VPS13D: variants seen among roughly 807,000 people sequenced by gnomAD.
VPS13D encodes the protein vacuolar protein sorting 13 homolog D.
VPS13D carries 187 observed loss-of-function variants against 461.9 expected under a neutral mutation model. That is an observed-to-expected ratio of 0.40 (90% CI 0.36 to 0.46). The LOEUF is 0.46. VPS13D is among the 20% of genes least tolerant of loss of function. VPS13D has a pLI of 0.60. For synonymous variants in VPS13D, 1,951 were observed against 1,986.3 expected, an observed-to-expected ratio of 0.98 and a Z score of 0.47; for missense variants, 4,711 against 5,364.9, an observed-to-expected ratio of 0.88 and a Z score of 3.81.
Position 12,277,070 on chromosome 1 carries a change from A to T in VPS13D, c.3482A>T (p.Glu1161Val), listed in dbSNP as rs751209155. ...CAAGGAACTTACCAGTCTACATATGAACAAAACACTGAGGTTGCAGTGGAA... is the reference window on the plus strand; with the variant it reads ...CAAGGAACTTACCAGTCTACATATGTACAAAACACTGAGGTTGCAGTGGAA... ...REQGTYQSTYEQNTEVAVEIH... is the reference protein window; with the variant it reads ...REQGTYQSTYVQNTEVAVEIH... Residue 1161 changes from glutamate to valine, a missense_variant, in exon 19 of 70, where the codon GAA (glutamate) becomes GTA (valine). Glu to Val is a moderately radical substitution (Grantham distance 121). Coordinates refer to ENST00000620676, the MANE Select transcript of VPS13D (RefSeq NM_015378.4). 2 of 1,614,176 alleles carry T rather than the reference A, an allele frequency of 1.2e-6. No homozygotes were observed. Among genetic ancestry groups the T allele is most frequent in the South Asian group, 2.2e-5 (2 of 91,078 alleles).
chr1:12,237,978 A>G (rs1640210742), intron 2 of VPS13D, among the ~76,000 whole-genome samples: 1 of 152,122 alleles, frequency 6.6e-6, no homozygotes. Context: ...CAACATGATG[A>G]AACCCCGTCT....
intron 69 of VPS13D, 128 bp from the exon 70 acceptor site, chr1:12,508,765 T>A: frequency 1.0e-6 from 1 of 990,480 alleles, no homozygotes; most frequent in Non-Finnish European, 1.5e-6. Context: ...GCCCTGGCCA[T>A]CACTGTTTCT....
chr1:12,413,813 G>A (rs998584150), intron 63 of VPS13D, among the ~76,000 whole-genome samples: 4 of 151,098 alleles, frequency 2.6e-5, no homozygotes, highest in African/African-American at 9.8e-5. Flanking sequence ...TATACCAAGT[G>A]TTGATGAGGG....
rs750147071 is a variant in VPS13D, at chr1:12,308,648, G to GTT, written c.6650+21_6650+22dup. The GTT allele has an allele frequency of 2.3e-3, 3,304 of 1,437,204 alleles. 1 individual carries two copies. Among genetic ancestry groups the GTT allele is most frequent in the African/African-American group, 8.3e-3 (570 of 68,462 alleles). 89.0% of individuals were successfully genotyped at this position (1,437,204 alleles called of 1,614,324 possible). On this transcript the variant is annotated splice_region_variant and intron_variant, in intron 27 of 69. Transcript: ENST00000620676. Reference sequence around the variant, plus strand: ...TGGAAAGGAATTTGGACAAGTGAGTGTTTTTTTTTTTTTTTGAGATGGAGT... The same window carrying GTT: ...TGGAAAGGAATTTGGACAAGTGAGTGTTTTTTTTTTTTTTTTTGAGATGGAGT...
chr1:12,484,919 T>C (rs928829862), intron 67 of VPS13D, among the ~76,000 whole-genome samples: 9 of 152,158 alleles, frequency 5.9e-5, no homozygotes, highest in African/African-American at 2.2e-4. Flanking sequence ...TCGTCTCTTA[T>C]GTTCTGCCAA....
At chr1:12,416,870 A>T (rs771421548) in intron 65 of VPS13D, 43 bp downstream of exon 65, 4 of 1,551,104 alleles carry the variant, frequency 2.6e-6, no homozygotes, top group Non-Finnish European at 3.5e-6. Flanking sequence ...TAACCTCACG[A>T]GTCCTCTACA....
intron 9 of VPS13D, 44 bp downstream of exon 9, chr1:12,257,131 G>C (rs142826384): frequency 6.5e-7 from 1 of 1,546,742 alleles, no homozygotes; most frequent in African/African-American, 1.4e-5. Flanking sequence ...GTTAGAGCCT[G>C]TTCTTGCTAT....
At chr1:12,400,023 A>G (rs1231455339) in intron 60 of VPS13D, among the ~76,000 whole-genome samples, 158 bp from the exon 61 acceptor site, 1 of 152,162 alleles carries the variant, frequency 6.6e-6, no homozygotes, top group East Asian at 1.9e-4. Context: ...TTACTTTATT[A>G]TGACTGCCCT....
intron 24 of VPS13D, among the ~76,000 whole-genome samples, chr1:12,297,094 A>T (rs1392449633): frequency 6.6e-6 from 1 of 152,196 alleles, no homozygotes; most frequent in Non-Finnish European, 1.5e-5. Context: ...TAGAGCTAAG[A>T]TCTACTTTTA....
At chr1:12,347,981 C>T (rs938147516) in intron 44 of VPS13D, among the ~76,000 whole-genome samples, 3 of 152,158 alleles carry the variant, frequency 2.0e-5, no homozygotes, top group Non-Finnish European at 4.4e-5. Flanking sequence ...TGTTGAGTTT[C>T]TGAACCTTGG....
chr1:12,467,352 A>G (rs775259206), intron 67 of VPS13D, among the ~76,000 whole-genome samples: 2 of 152,168 alleles, frequency 1.3e-5, no homozygotes, highest in Non-Finnish European at 1.5e-5. Context: ...TTATATTTTT[A>G]GTAGAGATGG....
At chr1:12,431,720 G>A (rs757742410) in intron 65 of VPS13D, among the ~76,000 whole-genome samples, 4 of 152,028 alleles carry the variant, frequency 2.6e-5, no homozygotes, top group African/African-American at 9.7e-5. Flanking sequence ...CACTGAACCA[G>A]TCTGTTCTGT....
At chr1:12,285,330 G>A (rs1198877335) in intron 21 of VPS13D, among the ~76,000 whole-genome samples, 6 of 145,154 alleles carry the variant, frequency 4.1e-5, no homozygotes, top group Non-Finnish European at 7.5e-5. Context: ...TCGCTCTGTC[G>A]CCCAGGCTGG....
chr1:12,285,929 CTTCCTTTCCTTTCCT>C (rs57335089), intron 21 of VPS13D, among the ~76,000 whole-genome samples: 1,219 of 104,248 alleles, frequency 0.012, 18 homozygotes, highest in East Asian at 0.023. Context: ...GAATTTCTTT[CTTCCTTTCCTTTCCT>C]TTCCTTTCCT....
chr1:12,415,169 C>T lies in VPS13D; in HGVS notation c.12113C>T (p.Pro4038Leu). 1.9e-6 allele frequency: 3 copies of T among 1,614,058 alleles called. No individual in the cohort carries two copies. The South Asian group carries it at 3.3e-5, about 18-fold the overall frequency. ...CTAGATCCATTCACTCGGGTACATC[C>T]CTATGAGACCAAGGAGTTCATCATC... ...INLDPFTRVH[P>L]YETKEFIIND... is the part of the protein sequence containing the mutation. The change falls in exon 64 of 70, where the codon CCC (proline) becomes CTC (leucine). Residue 4038 changes from proline to leucine, a missense_variant. Pro to Leu is a moderately conservative substitution (Grantham distance 98). Transcript: ENST00000620676.
intron 65 of VPS13D, among the ~76,000 whole-genome samples, chr1:12,418,000 G>C (rs755953774): frequency 1.3e-5 from 2 of 152,086 alleles, no homozygotes; most frequent in Non-Finnish European, 2.9e-5. Context: ...TCTGCCTCCC[G>C]AGTTCAAGCA....
chr1:12,472,829 A>G (rs762109086), intron 67 of VPS13D, among the ~76,000 whole-genome samples: 6 of 152,120 alleles, frequency 3.9e-5, no homozygotes, highest in Non-Finnish European at 5.9e-5. Flanking sequence ...CCATGGTTCT[A>G]TGTATTATCT....
At chr1:12,356,948 C>A (rs978190123) in intron 49 of VPS13D, among the ~76,000 whole-genome samples, 2 of 152,128 alleles carry the variant, frequency 1.3e-5, no homozygotes, top group African/African-American at 4.8e-5. Flanking sequence ...ATTTGTATCA[C>A]ATTTGGAAAT....
rs766111768 is a variant in VPS13D at position 12,362,782 on chromosome 1, C to T, written c.10204C>T (p.Arg3402Cys). The T allele has an allele frequency of 1.2e-5, 19 of 1,614,068 alleles. No homozygotes were observed. Among genetic ancestry groups the T allele is most frequent in the African/African-American group, 8.0e-5 (6 of 74,928 alleles). The change falls in exon 51 of 70, where the codon CGT (arginine) becomes TGT (cysteine). Residue 3402 changes from arginine (R) to cysteine (C), a missense_variant. Around this residue, in one of 3 missense-constraint regions of VPS13D, gnomAD observed 4,411 missense variants for 4,937.8 expected, o/e 0.89. Coordinates refer to ENST00000620676, the MANE Select transcript of VPS13D (RefSeq NM_015378.4). ...TACCTGCATGGTCATCTTTGCCCCC[C>T]GTTACCTGTTAGATAATAAATCATC... ...IDTCMVIFAP[R>C]YLLDNKSSHK...
Sources: allele counts gnomAD v4.1 joint callset (sites outside exome capture counted in the v4.1 genomes callset), GRCh38; gene constraint gnomAD v4.1.1; regional missense constraint gnomAD v4.1.1; transcripts MANE v1.5; gene names NCBI Gene and HGNC (gene_info 2026-07-23, HGNC 2026-07-21).